Variants in HP1BP3 observed in about 807,000 individuals in gnomAD.
The protein encoded by HP1BP3 is heterochromatin protein 1-binding protein 3.
A neutral mutation model predicts 62.5 loss-of-function variants in HP1BP3; 12 were observed. That is an observed-to-expected ratio of 0.19 (90% CI 0.12 to 0.31). HP1BP3 has a LOEUF of 0.31. Among genes scored for constraint, HP1BP3 ranks in the 10% least tolerant of loss-of-function variants. HP1BP3 has a pLI of 1.00. For synonymous variants in HP1BP3, 260 were observed against 237.8 expected, an observed-to-expected ratio of 1.09 and a Z score of -0.86; for missense variants, 502 against 651.8, an observed-to-expected ratio of 0.77 and a Z score of 2.50.
At chr1:20,750,979 C>T (rs180760956) in intron 9 of HP1BP3, among the ~76,000 whole-genome samples, 1 of 151,586 alleles carries the variant, frequency 6.6e-6, no homozygotes, top group African/African-American at 2.4e-5. Context: ...CACCAGGTCT[C>T]GCTAATTTTT....
intron 5 of HP1BP3, 97 bp from the exon 6 acceptor site, chr1:20,771,170 G>C: frequency 9.8e-7 from 1 of 1,021,764 alleles, no homozygotes; most frequent in Non-Finnish European, 1.4e-6. Context: ...TTTGATGATA[G>C]ATGACAAAAA....
At chr1:20,757,699 A>T (rs2056206039) in intron 8 of HP1BP3, among the ~76,000 whole-genome samples, 1 of 152,104 alleles carries the variant, frequency 6.6e-6, no homozygotes. Context: ...TTTGACTTCT[A>T]ACGCTGTATG....
chr1:20,765,557 G>T, intron 7 of HP1BP3, 26 bp from the exon 8 acceptor site: 1 of 1,578,800 alleles, frequency 6.3e-7, no homozygotes, highest in South Asian at 1.1e-5. Context: ...CAAAAATTAT[G>T]ATCATTATAG....
rs1445418495 is a variant in HP1BP3, at chr1:20,787,191, T to C, written c.-101+4A>G. Reference sequence around the variant, plus strand: ...CCCCGGCCGCCTGTTCGGTCCTGCGTTACCTCTGCGTTCGGCCGGTCCTGG... The same window carrying C: ...CCCCGGCCGCCTGTTCGGTCCTGCGCTACCTCTGCGTTCGGCCGGTCCTGG... On this transcript the variant is annotated splice_donor_region_variant and intron_variant, in intron 1 of 12. Coordinates refer to ENST00000438032, the MANE Select transcript of HP1BP3 (RefSeq NM_001372052.1). The C allele has an allele frequency of 2.6e-5, 4 of 151,544 alleles. No homozygotes were observed. Among genetic ancestry groups the C allele is most frequent in the Non-Finnish European group, 5.9e-5 (4 of 67,832 alleles). The allele number at this position is 151,544 out of a possible 1,614,324, so 9.4% of individuals were successfully genotyped here. A position where few individuals can be genotyped will look rare whatever the true frequency, so the allele number is the denominator to read the frequency against.
intron 1 of HP1BP3, among the ~76,000 whole-genome samples, chr1:20,784,663 A>T (rs919146362): frequency 2.0e-5 from 3 of 151,970 alleles, no homozygotes; most frequent in Admixed American, 2.0e-4. Context: ...TTTTCAGTAG[A>T]GACGGGGTTT....
At chr1:20,772,183 T>C (rs951709499) in intron 5 of HP1BP3, among the ~76,000 whole-genome samples, 3 of 152,222 alleles carry the variant, frequency 2.0e-5, no homozygotes, top group African/African-American at 7.2e-5. Context: ...GACATCATGA[T>C]TCCTGTTCAA....
At chr1:20,785,031 T>C (rs1421403419) in intron 1 of HP1BP3, among the ~76,000 whole-genome samples, 1 of 152,064 alleles carries the variant, frequency 6.6e-6, no homozygotes, top group Non-Finnish European at 1.5e-5. Flanking sequence ...AGCGATCTCC[T>C]CCCACCTCAG....
chr1:20,768,775 G>C (rs971075979), intron 6 of HP1BP3, among the ~76,000 whole-genome samples: 2 of 152,128 alleles, frequency 1.3e-5, no homozygotes, highest in African/African-American at 2.4e-5. Flanking sequence ...GGGAGGCAGA[G>C]GGTGTAGTGA....
rs1463332558 is a variant in HP1BP3, at chr1:20,740,665, A to T, written c.*4132T>A. Among the ~76,000 whole-genome samples the T allele has an allele frequency of 6.6e-6, 1 of 151,936 alleles. No homozygotes were observed. The highest frequency in any genetic ancestry group is 1.5e-5 in the Non-Finnish European group (1 of 68,030). ...GTGAGGCCCCATCTCTAGAAAAGAT[A>T]AATTAGCCAGGCATTTATTAGCTTG... is the stretch of plus-strand genomic sequence containing the variant. On this transcript the variant is annotated 3_prime_UTR_variant, in exon 13 of 13. Transcript: ENST00000438032.
At chr1:20,753,211 G>C (rs1227635792) in intron 9 of HP1BP3, among the ~76,000 whole-genome samples, 1 of 152,052 alleles carries the variant, frequency 6.6e-6, no homozygotes, top group Non-Finnish European at 1.5e-5. Context: ...CAAAGTGCTG[G>C]GATTACAGGC....
Position 20,742,179 on chromosome 1 carries a change from G to T in HP1BP3, c.*2618C>A, listed in dbSNP as rs1280555563. On this transcript the variant is annotated 3_prime_UTR_variant, in exon 13 of 13. Coordinates refer to ENST00000438032, the MANE Select transcript of HP1BP3 (RefSeq NM_001372052.1). ...TTTAAAAGCAGTATCATAAAGCAAA[G>T]AAACCAACCAAAATCTCCCAACTTT... Among the ~76,000 whole-genome samples the T allele has an allele frequency of 2.6e-5, 4 of 152,138 alleles. No individual in the cohort carries two copies. Among genetic ancestry groups the T allele is most frequent in the Non-Finnish European group, 5.9e-5 (4 of 68,018 alleles).
At chr1:20,755,583 A>G (rs1570581688) in intron 9 of HP1BP3, among the ~76,000 whole-genome samples, 1 of 152,076 alleles carries the variant, frequency 6.6e-6, no homozygotes, top group East Asian at 1.9e-4. Flanking sequence ...TCAAAACAAA[A>G]CAAAACGACT....
At chr1:20,746,643 A>G (rs2055356004) in intron 11 of HP1BP3, among the ~76,000 whole-genome samples, 2 of 152,218 alleles carry the variant, frequency 1.3e-5, no homozygotes, top group Admixed American at 1.3e-4. Flanking sequence ...GGTATTTGCA[A>G]GAAACAAATT....
chr1:20,786,644 C>T (rs2057849743), intron 1 of HP1BP3: 1 of 152,262 alleles, frequency 6.6e-6, no homozygotes, highest in South Asian at 2.1e-4. Flanking sequence ...GCTCCGCACA[C>T]TCACCACTGG....
chr1:20,754,794 C>A (rs2056000662), intron 9 of HP1BP3, among the ~76,000 whole-genome samples: 1 of 152,126 alleles, frequency 6.6e-6, no homozygotes, highest in African/African-American at 2.4e-5. Context: ...ATAAATTATA[C>A]CCTTACCTCT....
intron 4 of HP1BP3, chr1:20,776,008 G>GC (rs2057289351): frequency 5.2e-6 from 6 of 1,162,646 alleles, no homozygotes; most frequent in Non-Finnish European, 6.6e-6. Context: ...CAGCTCTCCT[G>GC]CAAAAAAAAA....
In HP1BP3 at chr1:20,742,960, A is replaced by G. The variant is rs2055125959; in HGVS notation, c.*1837T>C. 1 of 152,674 alleles carries G rather than the reference A, an allele frequency of 6.5e-6. No individual in the cohort carries two copies. Among genetic ancestry groups the G allele is most frequent in the Admixed American group, 6.5e-5 (1 of 15,288 alleles). The allele number at this position is 152,674 out of a possible 1,614,324, so 9.5% of individuals were successfully genotyped here. A position where few individuals can be genotyped will look rare whatever the true frequency, so the allele number is the denominator to read the frequency against. ...TCAAGGGGCCAGAAGATGTACTTCA[A>G]AAACTTTAAGACAATTAAAATGTCA... On this transcript the variant is annotated 3_prime_UTR_variant, in exon 13 of 13. Transcript: ENST00000438032.
In HP1BP3 at chr1:20,776,019, A is replaced by C. The variant is rs1189455820; in HGVS notation, c.350+578T>G. The stretch of plus-strand genomic sequence containing the variant: ...CTATCAGCTCTCCTGCAAAAAAAAA[A>C]AAAAAAAAATTAAAAATTAAAAAGT... On this transcript the variant is annotated intron_variant, in intron 4 of 12. Coordinates refer to ENST00000438032, the MANE Select transcript of HP1BP3 (RefSeq NM_001372052.1). 12 of 1,500,774 alleles carry C rather than the reference A, an allele frequency of 8.0e-6. No individual in the cohort carries two copies. In the South Asian group the frequency reaches 1.5e-4, roughly 18 times the overall value. The allele number at this position is 1,500,774 out of a possible 1,614,324, so 93.0% of individuals were successfully genotyped here.
At chr1:20,787,155 C>T (rs1404736771) in intron 1 of HP1BP3, 40 bp downstream of exon 1, 1 of 151,732 alleles carries the variant, frequency 6.6e-6, no homozygotes, top group East Asian at 1.9e-4. Flanking sequence ...CCCAGCGAGC[C>T]CGCGCCCACT....
Sources: gnomAD v4.1 joint callset for allele counts (sites outside exome capture counted in the v4.1 genomes callset) on GRCh38, gnomAD v4.1.1 for gene constraint, MANE v1.5 for transcripts, NCBI Gene and HGNC (gene_info 2026-07-23, HGNC 2026-07-21) for gene names.